The following DMXL1 variants were observed in gnomAD, a reference collection of about 807,000 sequenced individuals.
DMXL1 encodes the protein dmX-like protein 1.
Under a neutral mutation model 319.2 loss-of-function variants are expected in DMXL1, and 99 were observed. The ratio of observed to expected loss-of-function variants is 0.31; its 90% CI spans 0.26 to 0.37. The LOEUF is 0.37. DMXL1 is among the 10% of genes least tolerant of loss of function. DMXL1 has a pLI of 1.00. For synonymous variants in DMXL1, 1,385 were observed against 1,235.2 expected (o/e 1.12, Z -2.54); for missense variants, 3,745 against 3,595.6 (o/e 1.04, Z -1.06).
chr5:119,098,175 G>T (rs970431490), intron 2 of DMXL1, 71 bp downstream of exon 2: 1 of 1,500,260 alleles, frequency 6.7e-7, no homozygotes, highest in African/African-American at 1.4e-5. Flanking sequence ...TCTGAAGTGT[G>T]TATTTCCTAT....
At chr5:119,117,160 C>T (rs1024033773) in intron 7 of DMXL1, among the ~76,000 whole-genome samples, 6 of 152,136 alleles carry the variant, frequency 3.9e-5, no homozygotes, top group Admixed American at 6.6e-5. Context: ...TCTCAAATAG[C>T]GGGGACTACA....
At chr5:119,185,544 C>A (rs974115896) in intron 28 of DMXL1, among the ~76,000 whole-genome samples, 2 of 151,988 alleles carry the variant, frequency 1.3e-5, no homozygotes, top group African/African-American at 4.8e-5. Context: ...ACTTTGTCAC[C>A]CAGGCTGGAG....
At chr5:119,164,442 C>G in intron 19 of DMXL1, 65 bp from the exon 20 acceptor site, 1 of 1,382,380 alleles carries the variant, frequency 7.2e-7, no homozygotes. Flanking sequence ...ATGGAACATA[C>G]ATTTCTGATA....
intron 9 of DMXL1, among the ~76,000 whole-genome samples, chr5:119,121,954 C>T (rs1216448782): frequency 6.9e-6 from 1 of 145,906 alleles, no homozygotes; most frequent in Non-Finnish European, 1.5e-5. Context: ...GCTGGCCGGG[C>T]AGAGTGGCTC....
intron 5 of DMXL1, among the ~76,000 whole-genome samples, chr5:119,114,068 C>G (rs1259271289): frequency 6.6e-6 from 1 of 152,146 alleles, no homozygotes; most frequent in Non-Finnish European, 1.5e-5. Context: ...CCTGTTAACC[C>G]ACACATAATC....
chr5:119,138,710 A>T (rs957883182), intron 13 of DMXL1: 1 of 152,148 alleles, frequency 6.6e-6, no homozygotes, highest in African/African-American at 2.4e-5. Context: ...GGTGGCAGGA[A>T]CCTGTAGTCT....
At chr5:119,096,067 A>G (rs566432248) in intron 1 of DMXL1, among the ~76,000 whole-genome samples, 3 of 152,292 alleles carry the variant, frequency 2.0e-5, no homozygotes, top group South Asian at 2.1e-4. Flanking sequence ...TTTCTTTTCC[A>G]TATAGCACAT....
In DMXL1 at chr5:119,224,697, C is replaced by G; in HGVS notation, c.8278-12C>G. The G allele has an allele frequency of 1.8e-6, 2 of 1,113,930 alleles. No individual in the cohort carries two copies. Among genetic ancestry groups the G allele is most frequent in the Non-Finnish European group, 2.5e-6 (2 of 811,198 alleles). The allele number at this position is 1,113,930 out of a possible 1,614,324, so 69.0% of individuals were successfully genotyped here. A position where few individuals can be genotyped will look rare whatever the true frequency, so the allele number is the denominator to read the frequency against. ...TTATTATGCCTATAAAATAATTTTT[C>G]TATTTTACCAGATGATTAAGAAAGC... On this transcript the variant is annotated splice_polypyrimidine_tract_variant and intron_variant, in intron 37 of 43. Transcript: ENST00000539542.
intron 1 of DMXL1, among the ~76,000 whole-genome samples, chr5:119,096,904 C>A (rs1756102071): frequency 6.6e-6 from 1 of 152,136 alleles, no homozygotes; most frequent in Non-Finnish European, 1.5e-5. Context: ...GAGTAGAGAA[C>A]AAGATAAACT....
At chr5:119,220,168 G>C (rs12055244) in intron 35 of DMXL1, among the ~76,000 whole-genome samples, 4,836 of 152,014 alleles carry the variant, frequency 0.032, 208 homozygotes, top group East Asian at 0.14. Context: ...CCACATTTCT[G>C]AATTGTGCAT....
chr5:119,245,328 C>G (rs1300774729), intron 43 of DMXL1, among the ~76,000 whole-genome samples: 1 of 152,160 alleles, frequency 6.6e-6, no homozygotes. Flanking sequence ...TAAGCACTTA[C>G]ACTTATTTAG....
chr5:119,236,615 T>C (rs1787803640), intron 39 of DMXL1: 1 of 152,020 alleles, frequency 6.6e-6, no homozygotes, highest in Middle Eastern at 3.2e-3. Context: ...ATTGTGAATT[T>C]TTGAATACTC....
chr5:119,111,388 A>T (rs895868481), intron 5 of DMXL1, among the ~76,000 whole-genome samples: 1 of 152,236 alleles, frequency 6.6e-6, no homozygotes, highest in South Asian at 2.1e-4. Context: ...CTAACATTTT[A>T]AAAAATATGT....
chr5:119,118,887 A>C lies in DMXL1; in HGVS notation c.816A>C (p.Leu272Phe). Residue 272 changes from leucine (L) to phenylalanine (F), a missense_variant, in exon 8 of 44, where the codon TTA becomes TTC. This residue lies in a region of DMXL1 where 2,096 missense variants were observed against 1,985.4 expected (regional missense o/e 1.06). Coordinates refer to ENST00000539542, the MANE Select transcript of DMXL1 (RefSeq NM_001290321.3). ...NVCRLWVETF[L>F]PNDCLLYGGD... ...GTCGTCTTTGGGTAGAGACATTTTT[A>C]CCAAATGATTGTTTGCTATACGGAG... is the stretch of plus-strand genomic sequence containing the variant. 1.2e-6 allele frequency: 2 copies of C among 1,613,962 alleles called. No homozygotes were observed. Among genetic ancestry groups the C allele is most frequent in the Non-Finnish European group, 1.7e-6 (2 of 1,179,912 alleles).
intron 34 of DMXL1, among the ~76,000 whole-genome samples, chr5:119,216,611 T>A (rs1308466383): frequency 6.6e-6 from 1 of 152,206 alleles, no homozygotes; most frequent in South Asian, 2.1e-4. Flanking sequence ...AATTAGAATG[T>A]GTTGATCCTT....
At position 119,118,931 on chromosome 5, in the gene DMXL1, C is replaced by G; in HGVS notation, c.860C>G (p.Thr287Ser). The G allele has an allele frequency of 6.2e-7, 1 of 1,613,740 alleles. No individual in the cohort carries two copies. Among genetic ancestry groups the G allele is most frequent in the African/African-American group, 1.3e-5 (1 of 75,016 alleles). The change falls in exon 8 of 44, where the codon ACT becomes AGT. Residue 287 changes from threonine (T) to serine (S), a missense_variant. By Grantham distance (58) the Thr-to-Ser change is moderately conservative. Around this residue, in one of 4 missense-constraint regions of DMXL1, gnomAD observed 2,096 missense variants for 1,985.4 expected, o/e 1.06. Transcript: ENST00000539542. ...LLYGGDCSHWTESINLTNNFK... is the reference protein window; with the variant it reads ...LLYGGDCSHWSESINLTNNFK... ...TACGGAGGTGACTGCAGCCATTGGA[C>G]TGAATCAATTAATTTAACAAATAAC...
intron 28 of DMXL1, 106 bp downstream of exon 28, chr5:119,178,350 A>G: frequency 7.8e-7 from 1 of 1,285,064 alleles, no homozygotes; most frequent in Non-Finnish European, 1.1e-6. Flanking sequence ...CTGGTTAGAG[A>G]CCATTTGCGA....
rs150026915 is a variant in DMXL1, at chr5:119,135,567, A to C, written c.2376+1178A>C. Among the ~76,000 whole-genome samples the C allele has an allele frequency of 1.8e-4, 27 of 152,196 alleles. 1 individual carries two copies. The East Asian group carries it at 5.2e-3, about 29-fold the overall frequency. ...TGTGTCCCACCCAAATCTCATCTTGAATTATACTTCCCACGTGTTGAGGGA... is the reference window on the plus strand; with the variant it reads ...TGTGTCCCACCCAAATCTCATCTTGCATTATACTTCCCACGTGTTGAGGGA... On this transcript the variant is annotated intron_variant, in intron 13 of 43. Coordinates refer to ENST00000539542, the MANE Select transcript of DMXL1 (RefSeq NM_001290321.3).
chr5:119,177,756 C>A (rs998950428), intron 27 of DMXL1, among the ~76,000 whole-genome samples: 11 of 152,124 alleles, frequency 7.2e-5, no homozygotes, highest in Middle Eastern at 3.4e-3. Flanking sequence ...GAAAATTTAT[C>A]TATGACATCT....
Sources: gnomAD v4.1 joint callset for allele counts (sites outside exome capture counted in the v4.1 genomes callset) on GRCh38, gnomAD v4.1.1 for gene constraint, gnomAD v4.1.1 regional missense constraint, MANE v1.5 for transcripts, NCBI Gene and HGNC (gene_info 2026-07-23, HGNC 2026-07-21) for gene names.